Variants in IL16 observed in about 807,000 individuals in gnomAD.
IL16 encodes pro-interleukin-16.
A neutral mutation model predicts 110.1 loss-of-function variants in IL16; 67 were observed. That is an observed-to-expected ratio of 0.61 (90% CI 0.50 to 0.75). The LOEUF (loss-of-function observed/expected upper bound fraction) is 0.75. IL16 is among the 30% of genes least tolerant of loss of function. The pLI is 0.00. For synonymous variants in IL16, 689 were observed against 662.9 expected, an observed-to-expected ratio of 1.04 and a Z score of -0.61; for missense variants, 1,545 against 1,655.0, an observed-to-expected ratio of 0.93 and a Z score of 1.15.
chr15:81,298,538 T>C (rs1900104720), intron 13 of IL16, among the ~76,000 whole-genome samples: 1 of 152,198 alleles, frequency 6.6e-6, no homozygotes, highest in Non-Finnish European at 1.5e-5. Flanking sequence ...GCTCATCACA[T>C]TCCCAACACC....
At chr15:81,225,216 G>T (rs961024768) in intron 1 of IL16, 83 bp from the exon 2 acceptor site, 15 of 1,163,942 alleles carry the variant, frequency 1.3e-5, no homozygotes, top group Non-Finnish European at 1.8e-5. Flanking sequence ...CCAAGAACCC[G>T]TGGCTCAGAT....
At chr15:81,307,775 A>G (rs953649600) in intron 18 of IL16, among the ~76,000 whole-genome samples, 1 of 152,208 alleles carries the variant, frequency 6.6e-6, no homozygotes, top group Non-Finnish European at 1.5e-5. Context: ...GTTCCAGCCC[A>G]GGGCCCACCA....
At chr15:81,263,141 CAATT>C (rs1297547189) in intron 3 of IL16, among the ~76,000 whole-genome samples, 2 of 152,046 alleles carry the variant, frequency 1.3e-5, no homozygotes, top group Admixed American at 6.5e-5. Flanking sequence ...TAAGTTTAAT[CAATT>C]AATTAATATC....
chr15:81,239,497 A>G lies in IL16; in HGVS notation c.312+13786A>G, dbSNP rs373461747. On this transcript the variant is annotated intron_variant, in intron 2 of 18. Transcript: ENST00000683961. ...TTAGGTTTGGGGACAGAAAAAACCT[A>G]CAGGGCCTGGGCCTCTTTTTCTACT... Among the ~76,000 whole-genome samples the G allele has an allele frequency of 5.3e-5, 8 of 152,320 alleles. No homozygotes were observed. The East Asian group carries it at 1.3e-3, about 26-fold the overall frequency.
rs762620735 is a variant in IL16 at position 81,269,651 on chromosome 15, G to A, written c.675+3G>A. 3.1e-6 allele frequency: 5 copies of A among 1,606,760 alleles called. No homozygotes were observed. The Admixed American group carries it at 6.7e-5, about 21-fold the overall frequency. On this transcript the variant is annotated splice_donor_region_variant and intron_variant, in intron 5 of 18. Transcript: ENST00000683961. ...TGCTGATGAAGGGCCAGGCTAAGGTGAGAAGGGATTGTGGCCAACAGGAAG... is the reference window on the plus strand; with the variant it reads ...TGCTGATGAAGGGCCAGGCTAAGGTAAGAAGGGATTGTGGCCAACAGGAAG...
At position 81,196,949 on chromosome 15, in the gene IL16, C is replaced by T. The variant is rs772593948; in HGVS notation, c.-305C>T. ...GTCCTACTCACGGCATCTCAACTATCGGAGCCTGGGATCTGACTCAAAGGC... is the reference window on the plus strand; with the variant it reads ...GTCCTACTCACGGCATCTCAACTATTGGAGCCTGGGATCTGACTCAAAGGC... On this transcript the variant is annotated 5_prime_UTR_variant, in exon 1 of 19. Coordinates refer to ENST00000683961, the MANE Select transcript of IL16 (RefSeq NM_172217.5). 9 of 1,263,156 alleles carry T rather than the reference C, an allele frequency of 7.1e-6. No homozygotes were observed. The highest frequency in any genetic ancestry group is 2.6e-5 in the South Asian group (2 of 77,586). 78.2% of individuals were successfully genotyped at this position (1,263,156 alleles called of 1,614,324 possible).
Position 81,225,551 on chromosome 15 carries a change from A to G in IL16, c.152A>G (p.Gln51Arg), listed in dbSNP as rs752276629. ...YPDPFEISLA[Q>R]GKEGIFHSSV... ...GATCCCTTTGAGATTTCCTTGGCCC[A>G]GGGCAAGGAGGGAATTTTCCACTCA... Residue 51 changes from glutamine (Q) to arginine (R), a missense_variant, in exon 2 of 19, where the codon CAG (glutamine) becomes CGG (arginine). By Grantham distance (43) the Gln-to-Arg change is conservative. Transcript: ENST00000683961. The G allele has an allele frequency of 6.2e-6, 10 of 1,613,976 alleles. No homozygotes were observed. The highest frequency in any genetic ancestry group is 5.3e-5 in the African/African-American group (4 of 74,900).
At chr15:81,275,902 T>A (rs77889578) in intron 6 of IL16, among the ~76,000 whole-genome samples, 4,137 of 152,312 alleles carry the variant, frequency 0.027, 185 homozygotes, top group African/African-American at 0.095. Flanking sequence ...TTGTGTAAGA[T>A]TTATTTGGCA....
upstream of IL16, among the ~76,000 whole-genome samples, chr15:81,193,447 T>G (rs187645539): frequency 6.6e-6 from 1 of 152,116 alleles, no homozygotes; most frequent in East Asian, 1.9e-4. Flanking sequence ...TGGGAGTTGT[T>G]GGCATGTGCG....
intron 2 of IL16, among the ~76,000 whole-genome samples, chr15:81,248,707 TTTTC>T (rs201348965): frequency 1.5e-5 from 2 of 130,506 alleles, no homozygotes; most frequent in African/African-American, 3.2e-5. Context: ...CTGTGATTTT[TTTTC>T]TTTCTTTCTT....
Position 81,292,726 on chromosome 15 carries a change from G to A in IL16, c.1591G>A (p.Glu531Lys). ...GGGAAGTCCTGGGAGTGGCAGTGCT[G>A]AGAAGCCGTCCTCTGACGTGGACAT... ...PGGSPGSGSA[E>K]KPSSDVDIST... The change falls in exon 12 of 19, where the codon GAG becomes AAG. Residue 531 changes from glutamate to lysine, a missense_variant. Transcript: ENST00000683961. 6.2e-7 allele frequency: 1 copy of A among 1,614,182 alleles called. No homozygotes were observed. Among genetic ancestry groups the A allele is most frequent in the Non-Finnish European group, 8.5e-7 (1 of 1,180,038 alleles).
chr15:81,299,598 C>T lies in IL16; in HGVS notation c.2272C>T (p.Pro758Ser). ...GACACAGGGCCACCCAGATGGGACC[C>T]CACCAAAGCTGGACACCGCCAATGG... ...EGTQGHPDGT[P>S]PKLDTANGTP... Residue 758 changes from proline to serine, a missense_variant, in exon 14 of 19, where the codon CCA becomes TCA. Pro to Ser is a moderately conservative substitution (Grantham distance 74). Coordinates refer to ENST00000683961, the MANE Select transcript of IL16 (RefSeq NM_172217.5). 1 of 1,614,200 alleles carries T rather than the reference C, an allele frequency of 6.2e-7. No individual in the cohort carries two copies. The highest frequency in any genetic ancestry group is 8.5e-7 in the Non-Finnish European group (1 of 1,180,038).
intron 5 of IL16, among the ~76,000 whole-genome samples, chr15:81,272,040 A>G (rs1411739221): frequency 6.6e-6 from 1 of 152,242 alleles, no homozygotes; most frequent in Non-Finnish European, 1.5e-5. Flanking sequence ...GCATGCTTGT[A>G]CGTTGGACCC....
At chr15:81,302,728 A>C (rs1473216880) in intron 15 of IL16, among the ~76,000 whole-genome samples, 1 of 152,228 alleles carries the variant, frequency 6.6e-6, no homozygotes, top group Admixed American at 6.5e-5. Context: ...GATGAAAAAA[A>C]TATTGAATTC....
chr15:81,242,703 A>C (rs948774885), intron 2 of IL16, among the ~76,000 whole-genome samples: 1 of 151,868 alleles, frequency 6.6e-6, no homozygotes, highest in African/African-American at 2.4e-5. Flanking sequence ...TATGCTTTTT[A>C]TTTTCTTTTG....
chr15:81,263,773 C>T (rs1005007093), intron 3 of IL16, among the ~76,000 whole-genome samples: 18 of 152,206 alleles, frequency 1.2e-4, no homozygotes, highest in African/African-American at 4.3e-4. Context: ...CCAAAGCATG[C>T]ACCACTGGCC....
Position 81,313,344 on chromosome 15 carries a change from G to A in IL16, c.*4546G>A, listed in dbSNP as rs868767083. ...GAAGAAGGAGTCCACCACGTTCTGT[G>A]GGAGGTAACCGCTGAGGTCGGTATG... is the stretch of plus-strand genomic sequence containing the variant. On this transcript the variant is annotated 3_prime_UTR_variant, in exon 19 of 19. Transcript: ENST00000683961. 9 of 1,582,090 alleles carry A rather than the reference G, an allele frequency of 5.7e-6. No homozygotes were observed. In the South Asian group the frequency reaches 1.1e-4, roughly 19 times the overall value.
intron 1 of IL16, among the ~76,000 whole-genome samples, chr15:81,210,765 G>A (rs2141989584): frequency 6.6e-6 from 1 of 152,308 alleles, no homozygotes; most frequent in South Asian, 2.1e-4. Context: ...GGTTTTCTAA[G>A]TATAGATTCA....
At chr15:81,258,773 C>CTA (rs964112431) in intron 2 of IL16, among the ~76,000 whole-genome samples, 8,851 of 149,716 alleles carry the variant, frequency 0.059, 714 homozygotes, top group African/African-American at 0.19. Flanking sequence ...CTCTCTCTCT[C>CTA]TATATATATA....
Sources: gnomAD v4.1 joint callset for allele counts (sites outside exome capture counted in the v4.1 genomes callset) on GRCh38, gnomAD v4.1.1 for gene constraint, MANE v1.5 for transcripts, NCBI Gene and HGNC (gene_info 2026-07-23, HGNC 2026-07-21) for gene names.